Variants in DENND5A observed in about 807,000 individuals in gnomAD.
The protein encoded by DENND5A is DENN domain-containing protein 5A.
Under a neutral mutation model 140.3 loss-of-function variants are expected in DENND5A, and 64 were observed. The ratio of observed to expected loss-of-function variants is 0.46; its 90% CI spans 0.37 to 0.56. The LOEUF (loss-of-function observed/expected upper bound fraction) is 0.56. Among genes scored for constraint, DENND5A ranks in the 20% least tolerant of loss-of-function variants. DENND5A has a pLI of 0.00. For missense variants in DENND5A, 1,292 were observed against 1,593.8 expected, an observed-to-expected ratio of 0.81 and a Z score of 3.22; for synonymous variants, 605 against 607.7, an observed-to-expected ratio of 1.00 and a Z score of 0.07.
At chr11:9,151,258 T>C (rs375736887) in intron 13 of DENND5A, among the ~76,000 whole-genome samples, 18 of 152,336 alleles carry the variant, frequency 1.2e-4, no homozygotes, top group East Asian at 7.7e-4. Context: ...TCCAGAATGA[T>C]AGGACCTCTA....
intron 1 of DENND5A, 31 bp downstream of exon 1, chr11:9,264,930 G>A (rs778777693): frequency 1.3e-6 from 2 of 1,510,494 alleles, no homozygotes; most frequent in South Asian, 2.4e-5. Flanking sequence ...AGCGGGCGCG[G>A]GAAAGCGCCC....
In DENND5A at chr11:9,264,994, T is replaced by G. The variant is rs766871594; in HGVS notation, c.76A>C (p.Thr26Pro). Residue 26 changes from threonine (T) to proline (P), a missense_variant, in exon 1 of 23, where the codon ACG becomes CCG. Coordinates refer to ENST00000328194, the MANE Select transcript of DENND5A (RefSeq NM_015213.4). The stretch of plus-strand genomic sequence containing the variant: ...TCGTCCGGCTCCAGCCCGGTCTCCG[T>G]GTCCAGTCCGCAGATGACAAAGTAG... ...ADYFVICGLD[T>P]ETGLEPDELS... 1.4e-5 allele frequency: 23 copies of G among 1,588,786 alleles called. No homozygotes were observed. Among genetic ancestry groups the G allele is most frequent in the Non-Finnish European group, 1.7e-5 (20 of 1,169,780 alleles).
chr11:9,203,333 G>T (rs1849583972), intron 4 of DENND5A, among the ~76,000 whole-genome samples: 1 of 152,180 alleles, frequency 6.6e-6, no homozygotes, highest in Non-Finnish European at 1.5e-5. Flanking sequence ...TAACTCTGCA[G>T]AATGACAGAA....
At chr11:9,212,201 C>T (rs1189202866) in intron 1 of DENND5A, among the ~76,000 whole-genome samples, 1 of 151,692 alleles carries the variant, frequency 6.6e-6, no homozygotes, top group Non-Finnish European at 1.5e-5. Context: ...GCCTAGGTAA[C>T]ACAGCAAGAC....
At chr11:9,202,569 A>G (rs1191187672) in intron 4 of DENND5A, among the ~76,000 whole-genome samples, 1 of 152,202 alleles carries the variant, frequency 6.6e-6, no homozygotes, top group Non-Finnish European at 1.5e-5. Flanking sequence ...TTTAAAATAA[A>G]AAGTAAAAAA....
intron 15 of DENND5A, among the ~76,000 whole-genome samples, chr11:9,148,970 G>A (rs1169329423): frequency 6.6e-6 from 1 of 152,226 alleles, no homozygotes; most frequent in African/African-American, 2.4e-5. Flanking sequence ...AGCCAACACT[G>A]TGCAAAGAGT....
chr11:9,226,959 A>G (rs1850553872), intron 1 of DENND5A, among the ~76,000 whole-genome samples: 1 of 152,146 alleles, frequency 6.6e-6, no homozygotes, highest in South Asian at 2.1e-4. Flanking sequence ...ACCTGAGGTC[A>G]GGAGTTCGAG....
In DENND5A at chr11:9,203,696, C is replaced by T. The variant is rs908358606; in HGVS notation, c.913G>A (p.Ala305Thr). 6.2e-6 allele frequency: 10 copies of T among 1,613,902 alleles called. No homozygotes were observed. Among genetic ancestry groups the T allele is most frequent in the Non-Finnish European group, 6.8e-6 (8 of 1,179,918 alleles). Reference protein sequence around the residue: ...VENVFQLFTCALLEFQILLYS... With the variant: ...VENVFQLFTCTLLEFQILLYS... ...AGCAGGATTTGAAACTCCAGAAGGG[C>T]ACAAGTAAAAAGCTGAAACACATTC... The change falls in exon 4 of 23, where the codon GCC (alanine) becomes ACC (threonine). Residue 305 changes from alanine (A) to threonine (T), a missense_variant. This residue lies in a region of DENND5A where 566 missense variants were observed against 650.4 expected (regional missense o/e 0.87). Transcript: ENST00000328194.
In DENND5A at chr11:9,138,939, C is replaced by T. The variant is rs61877786; in HGVS notation, c.*732G>A. On this transcript the variant is annotated 3_prime_UTR_variant, in exon 23 of 23. Transcript: ENST00000328194. ...TTAGATTGTGACAAGCTTTTCCTTT[C>T]CTTAAAAAAAGAAAATACTTAAAAA... is the stretch of plus-strand genomic sequence containing the variant. 6.6e-6 allele frequency: 1 copy of T among 152,062 alleles called. No homozygotes were observed. Among genetic ancestry groups the T allele is most frequent in the Non-Finnish European group, 1.5e-5 (1 of 68,004 alleles). The allele number at this position is 152,062 out of a possible 1,614,324, so 9.4% of individuals were successfully genotyped here.
chr11:9,259,799 C>A (rs1219526297), intron 1 of DENND5A, among the ~76,000 whole-genome samples: 5 of 152,104 alleles, frequency 3.3e-5, no homozygotes, highest in Admixed American at 6.6e-5. Context: ...GAGGCCAATG[C>A]GGGTGGGTCA....
At chr11:9,139,957 C>G (rs1847182355) in intron 22 of DENND5A, 103 bp from the exon 23 acceptor site, 1 of 1,229,292 alleles carries the variant, frequency 8.1e-7, no homozygotes, top group Admixed American at 2.2e-5. Flanking sequence ...AAGTCTGAAG[C>G]TGGAGAAGCT....
At chr11:9,175,289 C>T (rs1848510029) in intron 8 of DENND5A, 1 of 152,024 alleles carries the variant, frequency 6.6e-6, no homozygotes, top group Admixed American at 6.6e-5. Context: ...AGGGAAAAAT[C>T]TGATAAGACA....
chr11:9,180,930 C>G lies in DENND5A; in HGVS notation c.1292G>C (p.Ser431Thr). The G allele has an allele frequency of 5.0e-6, 8 of 1,614,206 alleles. No homozygotes were observed. Among genetic ancestry groups the G allele is most frequent in the Non-Finnish European group, 6.8e-6 (8 of 1,180,044 alleles). ...PPEGNLHCSE[S>T]ASKLKRLRAS... ...CCGCAGCCTCTTCAGCTTGGAGGCA[C>G]TCTCACTGCAATGAAGATTCCCTTC... The change falls in exon 6 of 23, where the codon AGT (serine) becomes ACT (threonine). Residue 431 changes from serine to threonine, a missense_variant. By Grantham distance (58) the Ser-to-Thr change is moderately conservative. Around this residue, in one of 4 missense-constraint regions of DENND5A, gnomAD observed 566 missense variants for 650.4 expected, o/e 0.87. Coordinates refer to ENST00000328194, the MANE Select transcript of DENND5A (RefSeq NM_015213.4).
intron 1 of DENND5A, among the ~76,000 whole-genome samples, chr11:9,228,876 C>T (rs1288208714): frequency 6.6e-6 from 1 of 152,170 alleles, no homozygotes; most frequent in Non-Finnish European, 1.5e-5. Context: ...TTGGCTGTTC[C>T]TGAGTTATAT....
chr11:9,219,077 A>C (rs1445742429), intron 1 of DENND5A, among the ~76,000 whole-genome samples: 2 of 152,100 alleles, frequency 1.3e-5, no homozygotes, highest in African/African-American at 4.8e-5. Context: ...ATTAGAGTCC[A>C]TCCAAGAGGT....
Position 9,265,029 on chromosome 11 carries a change from C to G in DENND5A, c.41G>C (p.Arg14Pro). 1 of 1,568,738 alleles carries G rather than the reference C, an allele frequency of 6.4e-7. No homozygotes were observed. The highest frequency in any genetic ancestry group is 8.6e-7 in the Non-Finnish European group (1 of 1,160,858). The stretch of plus-strand genomic sequence containing the variant: ...GCAGATGACAAAGTAGTCGGCGAAG[C>G]GACTGGGCGCCGAGCCCCCTCCGCC... ...GGGGGGSAPS[R>P]FADYFVICGL... The change falls in exon 1 of 23, where the codon CGC (arginine) becomes CCC (proline). Residue 14 changes from arginine (R) to proline (P), a missense_variant. This residue lies in a region of DENND5A where 566 missense variants were observed against 650.4 expected (regional missense o/e 0.87). Coordinates refer to ENST00000328194, the MANE Select transcript of DENND5A (RefSeq NM_015213.4). The surrounding 1 kb of genome is among the most constrained non-coding windows in gnomAD (Gnocchi z 4.7).
rs1554911510 is a variant in DENND5A, at chr11:9,150,109, G to A, written c.2707C>T (p.Gln903Ter). Residue 903 changes from glutamine to a stop codon, truncating the protein, a stop_gained, in exon 15 of 23, where the codon CAG becomes TAG. Transcript: ENST00000328194. LOFTEE classifies it high-confidence loss of function. ...GTGAGCTCATGGTCTGAGAGGAGCT[G>A]CTTCAGGTGTCTGGAAAGTAACTTT... ...EKKLLSRHLKQLLSDHELTKK... is the reference protein window; with the variant it reads ...EKKLLSRHLK 6.2e-7 allele frequency: 1 copy of A among 1,613,754 alleles called. No individual in the cohort carries two copies. The highest frequency in any genetic ancestry group is 8.5e-7 in the Non-Finnish European group (1 of 1,179,754).
chr11:9,264,296 C>T (rs1852343907), intron 1 of DENND5A, among the ~76,000 whole-genome samples: 4 of 152,242 alleles, frequency 2.6e-5, no homozygotes, highest in African/African-American at 9.6e-5. Flanking sequence ...AATGCTGCTA[C>T]CCTTTTATTC....
intron 1 of DENND5A, among the ~76,000 whole-genome samples, chr11:9,253,669 G>A (rs138345826): frequency 2.6e-5 from 4 of 152,092 alleles, no homozygotes; most frequent in Non-Finnish European, 4.4e-5. Flanking sequence ...TTGGGAGGCC[G>A]AGGTGGGCAG....
Sources: gnomAD v4.1 joint callset for allele counts (sites outside exome capture counted in the v4.1 genomes callset) on GRCh38, gnomAD v4.1.1 for gene constraint, gnomAD v4.1.1 regional missense constraint, Gnocchi (gnomAD v3.1) non-coding constraint, MANE v1.5 for transcripts, NCBI Gene and HGNC (gene_info 2026-07-23, HGNC 2026-07-21) for gene names.